Variants in ASPSCR1 observed in about 807,000 individuals in gnomAD.
ASPSCR1 encodes ASPSCR1 tether for SLC2A4, UBX domain containing.
In ASPSCR1, 55 loss-of-function variants were observed where a neutral mutation model predicts 68.9. The observed-to-expected ratio is 0.80, with a 90% CI of 0.64 to 1.00. The LOEUF (loss-of-function observed/expected upper bound fraction) is 1.00, where lower values mean the gene tolerates loss of function less well. ASPSCR1 is among the 50% of genes least tolerant of loss of function. The pLI, the probability that ASPSCR1 is intolerant of heterozygous loss-of-function variation, is 0.00. For missense variants in ASPSCR1, 765 were observed against 762.2 expected, an observed-to-expected ratio of 1.00 and a Z score of -0.04; for synonymous variants, 352 against 332.6, an observed-to-expected ratio of 1.06 and a Z score of -0.63.
Position 81,999,049 on chromosome 17 carries a change from C to T in ASPSCR1, c.933+2203C>T, listed in dbSNP as rs1170952948. On this transcript the variant is annotated intron_variant, in intron 7 of 15. Coordinates refer to ENST00000306739, the MANE Select transcript of ASPSCR1 (RefSeq NM_024083.4). The surrounding 1 kb of genome is among the most constrained non-coding windows in gnomAD (Gnocchi z 4.4). ...CCTGACCCCGCATCAGAGCCCTGCA[C>T]CTGGGCTGCTGAAACCTGACTTCCT... Among the ~76,000 whole-genome samples, 1 of 152,274 alleles carries T rather than the reference C, an allele frequency of 6.6e-6. No homozygotes were observed. The highest frequency in any genetic ancestry group is 2.4e-5 in the African/African-American group (1 of 41,482).
chr17:81,996,806 A>G lies in ASPSCR1; in HGVS notation c.893A>G (p.Glu298Gly), dbSNP rs1329259900. ...GATCCCCAGCAGGAGCAGGAGCAGG[A>G]GCGGGAGCGGGATCCCCAGCAGGAG... ...GQDPQQEQEQERERDPQQEQE... is the reference protein window; with the variant it reads ...GQDPQQEQEQGRERDPQQEQE... Residue 298 changes from glutamate to glycine, a missense_variant, in exon 7 of 16, where the codon GAG becomes GGG. By Grantham distance (98) the Glu-to-Gly change is moderately conservative (BLOSUM62 -2). Coordinates refer to ENST00000306739, the MANE Select transcript of ASPSCR1 (RefSeq NM_024083.4). 1 of 1,608,272 alleles carries G rather than the reference A, an allele frequency of 6.2e-7. No individual in the cohort carries two copies. The highest frequency in any genetic ancestry group is 2.2e-5 in the East Asian group (1 of 44,822).
At chr17:82,006,684 T>TC (rs1385038005) in intron 7 of ASPSCR1, 2 of 152,360 alleles carry the variant, frequency 1.3e-5, no homozygotes, top group South Asian at 2.1e-4. Flanking sequence ...GGACGGGAAT[T>TC]CCCCCAGGGG....
rs761840023 is a variant in ASPSCR1, at chr17:81,996,839, G to A, written c.926G>A (p.Arg309Gln). ...CGGGATCCCCAGCAGGAGCAGGAGC[G>A]GGAGCGGGTAAAAGGGGCTCTAGGC... ...RERDPQQEQE[R>Q]ERPVDREPVD... is the part of the protein sequence containing the mutation. Residue 309 changes from arginine to glutamine, a missense_variant, in exon 7 of 16, where the codon CGG (arginine) becomes CAG (glutamine). Coordinates refer to ENST00000306739, the MANE Select transcript of ASPSCR1 (RefSeq NM_024083.4). The A allele has an allele frequency of 1.4e-5, 22 of 1,597,252 alleles. No homozygotes were observed. Among genetic ancestry groups the A allele is most frequent in the African/African-American group, 2.7e-5 (2 of 74,016 alleles).
intron 4 of ASPSCR1, 56 bp from the exon 5 acceptor site, chr17:81,994,765 G>A: frequency 3.2e-6 from 5 of 1,563,888 alleles, no homozygotes; most frequent in African/African-American, 1.4e-5. Context: ...CAGGGCCTCC[G>A]TGGCACTGGT....
At chr17:82,004,020 C>T (rs2042623329) in intron 7 of ASPSCR1, among the ~76,000 whole-genome samples, 1 of 152,248 alleles carries the variant, frequency 6.6e-6, no homozygotes, top group African/African-American at 2.4e-5. Context: ...AACACAAACC[C>T]TCAGAGACGC....
chr17:82,010,083 T>G, intron 9 of ASPSCR1: 1 of 283,774 alleles, frequency 3.5e-6, no homozygotes, highest in Non-Finnish European at 6.9e-6. Context: ...GGCTAATTTT[T>G]GTTGTTTTTT....
At chr17:82,016,771 G>A in intron 13 of ASPSCR1, 29 bp from the exon 14 acceptor site, 7 of 1,601,802 alleles carry the variant, frequency 4.4e-6, no homozygotes, top group Non-Finnish European at 5.9e-6. Flanking sequence ...CTCCTCAGAG[G>A]CTCAGGGTGA....
chr17:81,993,455 C>T (rs1015756817), intron 4 of ASPSCR1, among the ~76,000 whole-genome samples: 4 of 152,134 alleles, frequency 2.6e-5, no homozygotes, highest in Admixed American at 1.3e-4. Context: ...CCTCGTGATC[C>T]GCCCATCTCG....
At chr17:82,001,895 G>A (rs112485624) in intron 7 of ASPSCR1, among the ~76,000 whole-genome samples, 5 of 152,150 alleles carry the variant, frequency 3.3e-5, no homozygotes, top group South Asian at 4.1e-4. Flanking sequence ...AGTGACACAC[G>A]CCTGCCACAC....
Position 82,012,216 on chromosome 17 carries a change from G to T in ASPSCR1, c.1301-15G>T. On this transcript the variant is annotated splice_polypyrimidine_tract_variant and intron_variant, in intron 11 of 15. Transcript: ENST00000306739. ...CCACGGTGCTTCCTAACACGTAGGT[G>T]CCTTCTCTCCTCAGTCATCACCCCT... is the stretch of plus-strand genomic sequence containing the variant. 1 of 1,612,912 alleles carries T rather than the reference G, an allele frequency of 6.2e-7. No individual in the cohort carries two copies.
chr17:82,008,174 A>G (rs1019654937), intron 7 of ASPSCR1: 1 of 152,768 alleles, frequency 6.5e-6, no homozygotes, highest in Admixed American at 6.5e-5. Context: ...CAGTGTGGGC[A>G]TGGTGGGGGT....
chr17:81,992,216 T>C (rs946527842), intron 4 of ASPSCR1, among the ~76,000 whole-genome samples: 11 of 152,256 alleles, frequency 7.2e-5, no homozygotes, highest in African/African-American at 2.4e-4. Context: ...CCTGCGGACA[T>C]TGGGACTTGC....
At chr17:82,015,612 G>T (rs1289569795) in intron 12 of ASPSCR1, 8 of 556,718 alleles carry the variant, frequency 1.4e-5, no homozygotes, top group Non-Finnish European at 2.3e-5. Flanking sequence ...AGATGGGGCT[G>T]GCCAGGGCTC....
intron 2 of ASPSCR1, among the ~76,000 whole-genome samples, chr17:81,979,804 C>T (rs2041737017): frequency 6.6e-6 from 1 of 152,146 alleles, no homozygotes; most frequent in South Asian, 2.1e-4. Flanking sequence ...AGTCTCACAG[C>T]CCCTGGAATT....
At chr17:82,013,149 GA>G (rs1474047584) in intron 12 of ASPSCR1, 1 of 152,212 alleles carries the variant, frequency 6.6e-6, no homozygotes, top group Non-Finnish European at 1.5e-5. Flanking sequence ...GACTGAGCGG[GA>G]TTCCCTGCAG....
Position 81,996,468 on chromosome 17 carries a change from G to A in ASPSCR1, c.555G>A (p.Leu185=). The change falls in exon 7 of 16, where the codon CTG becomes CTA. Residue 185 remains leucine, a synonymous_variant. Transcript: ENST00000306739. The part of the protein sequence containing the change: ...YDPVGKTPGS[L]GSSASAGQAA... Reference sequence around the variant, plus strand: ...CCGTGGGCAAGACCCCAGGAAGCCTGGGCTCGTCAGCGTCGGCTGGCCAGG... The same window carrying A: ...CCGTGGGCAAGACCCCAGGAAGCCTAGGCTCGTCAGCGTCGGCTGGCCAGG... The A allele has an allele frequency of 1.2e-6, 2 of 1,609,276 alleles. No individual in the cohort carries two copies. Among genetic ancestry groups the A allele is most frequent in the Non-Finnish European group, 1.7e-6 (2 of 1,177,436 alleles).
At chr17:81,980,343 C>G (rs1010537413) in intron 2 of ASPSCR1, among the ~76,000 whole-genome samples, 3 of 152,242 alleles carry the variant, frequency 2.0e-5, no homozygotes, top group Non-Finnish European at 2.9e-5. Context: ...GGAGCTTGCC[C>G]TCCTGGCATT....
intron 12 of ASPSCR1, chr17:82,015,842 A>G (rs2043107393): frequency 5.3e-6 from 1 of 188,392 alleles, no homozygotes; most frequent in African/African-American, 2.4e-5. Context: ...TGCCCACCCC[A>G]CAGGCCCTTC....
At chr17:81,994,932 C>A in intron 5 of ASPSCR1, 54 bp downstream of exon 5, 1 of 1,542,644 alleles carries the variant, frequency 6.5e-7, no homozygotes, top group Non-Finnish European at 8.8e-7. Context: ...GCCCACTTTC[C>A]AACTGGAAAA....
Sources: gnomAD v4.1 joint callset for allele counts (sites outside exome capture counted in the v4.1 genomes callset) on GRCh38, gnomAD v4.1.1 for gene constraint, Gnocchi (gnomAD v3.1) non-coding constraint, MANE v1.5 for transcripts, NCBI Gene and HGNC (gene_info 2026-07-23, HGNC 2026-07-21) for gene names.